Variants in WDR17 observed in about 807,000 individuals in gnomAD.
The protein encoded by WDR17 is WD repeat domain 17.
Under a neutral mutation model 161.7 loss-of-function variants are expected in WDR17, and 143 were observed. The ratio of observed to expected loss-of-function variants is 0.88; its 90% confidence interval spans 0.77 to 1.02. WDR17 has a LOEUF of 1.02. Ranked by LOEUF, WDR17 falls within the 50% of genes least tolerant of loss-of-function variation. The pLI is 0.00. For missense variants in WDR17, 1,469 were observed against 1,520.9 expected, an observed-to-expected ratio of 0.97 and a Z score of 0.57; for synonymous variants, 517 against 515.6, an observed-to-expected ratio of 1.00 and a Z score of -0.04.
At chr4:176,076,258 C>T (rs201042857) in intron 1 of WDR17, among the ~76,000 whole-genome samples, 131 of 71,070 alleles carry the variant, frequency 1.8e-3, no homozygotes, top group African/African-American at 4.8e-3. Context: ...TATATATACA[C>T]ACACACACAC....
At chr4:176,066,934 TAATA>T (rs1469672151) in intron 1 of WDR17, among the ~76,000 whole-genome samples, 1 of 152,180 alleles carries the variant, frequency 6.6e-6, no homozygotes, top group African/African-American at 2.4e-5. Flanking sequence ...CTTAGCACTC[TAATA>T]ACATTTCTGC....
intron 1 of WDR17, among the ~76,000 whole-genome samples, chr4:176,071,925 A>T (rs892459004): frequency 6.6e-6 from 1 of 152,116 alleles, no homozygotes; most frequent in South Asian, 2.1e-4. Flanking sequence ...TTTGATGTTC[A>T]GTGTTTGGTC....
At chr4:176,074,810 CTT>C (rs386357678) in intron 1 of WDR17, among the ~76,000 whole-genome samples, 18 of 79,174 alleles carry the variant, frequency 2.3e-4, no homozygotes, top group African/African-American at 7.1e-4. Flanking sequence ...TTTTTTAATG[CTT>C]TTTTTTTTTT....
intron 5 of WDR17, among the ~76,000 whole-genome samples, chr4:176,126,442 T>A (rs1028918439): frequency 4.6e-5 from 7 of 152,312 alleles, no homozygotes; most frequent in Admixed American, 3.3e-4. Flanking sequence ...AGACTCTTTA[T>A]CCTCTCAAAA....
intron 1 of WDR17, among the ~76,000 whole-genome samples, chr4:176,082,977 TA>T (rs1734950234): frequency 6.6e-6 from 1 of 152,160 alleles, no homozygotes; most frequent in South Asian, 2.1e-4. Context: ...TGAATTTTAA[TA>T]AAGACTACAT....
chr4:176,162,500 G>C (rs1339532465), intron 21 of WDR17, among the ~76,000 whole-genome samples: 1 of 152,134 alleles, frequency 6.6e-6, no homozygotes, highest in African/African-American at 2.4e-5. Flanking sequence ...CAAAATATCT[G>C]AGTCTTTTCT....
intron 1 of WDR17, chr4:176,068,211 A>G (rs1307809228): frequency 6.6e-6 from 1 of 152,186 alleles, no homozygotes; most frequent in Non-Finnish European, 1.5e-5. Flanking sequence ...TACCTCTTCC[A>G]TTGAACAGAT....
At chr4:176,161,071 T>C (rs1304257367) in intron 20 of WDR17, 69 bp downstream of exon 20, 12 of 1,314,984 alleles carry the variant, frequency 9.1e-6, no homozygotes, top group Non-Finnish European at 1.3e-5. Context: ...TTTTGAAGTC[T>C]CTATAATTCA....
intron 6 of WDR17, among the ~76,000 whole-genome samples, chr4:176,129,582 A>G (rs1743030170): frequency 6.6e-6 from 1 of 152,146 alleles, no homozygotes; most frequent in Admixed American, 6.5e-5. Context: ...CACATCATTA[A>G]AAGCATGGGG....
chr4:176,111,737 A>T, intron 2 of WDR17, 34 bp downstream of exon 2: 1 of 1,498,854 alleles, frequency 6.7e-7, no homozygotes, highest in African/African-American at 1.4e-5. Flanking sequence ...TTTTAATTAT[A>T]TCCGGTAAAA....
At chr4:176,073,266 T>G (rs959016489) in intron 1 of WDR17, among the ~76,000 whole-genome samples, 1 of 152,072 alleles carries the variant, frequency 6.6e-6, no homozygotes, top group Non-Finnish European at 1.5e-5. Context: ...TCTCCCACCC[T>G]ACAACAGTCC....
rs1425842198 is a variant in WDR17, at chr4:176,172,531, GGTA to G, written c.3244+20_3244+22del. 2 of 1,562,754 alleles carry G rather than the reference GGTA, an allele frequency of 1.3e-6. No individual in the cohort carries two copies. Among genetic ancestry groups the G allele is most frequent in the African/African-American group, 1.4e-5 (1 of 71,860 alleles). On this transcript the variant is annotated intron_variant, in intron 24 of 28. Transcript: ENST00000508596. ...CTTTGTTAAAGGTAAGTAATTAGTT[GGTA>G]GTAGAATTTTAAATATACTCATTTA... is the stretch of plus-strand genomic sequence containing the variant.
intron 1 of WDR17, among the ~76,000 whole-genome samples, chr4:176,097,079 T>C (rs1488698660): frequency 6.6e-6 from 1 of 151,940 alleles, no homozygotes; most frequent in Non-Finnish European, 1.5e-5. Flanking sequence ...ACAAACTGCA[T>C]TGTTAGTGTG....
At position 176,163,217 on chromosome 4, in the gene WDR17, C is replaced by CT. The variant is rs756595184; in HGVS notation, c.2915dup (p.Gly973ArgfsTer30). 6.2e-7 allele frequency: 1 copy of CT among 1,614,038 alleles called. No individual in the cohort carries two copies. The highest frequency in any genetic ancestry group is 8.5e-7 in the Non-Finnish European group (1 of 1,179,988). On this transcript the variant is annotated frameshift_variant, in exon 22 of 29. Coordinates refer to ENST00000508596, the MANE Select transcript of WDR17 (RefSeq NM_181265.4). LOFTEE classifies it high-confidence loss of function. ...GTTGGCAGTCTGTGTGGGCACAGTA[C>CT]TAGGAGAGTCTGCAGCACCAGCAAC...
intron 1 of WDR17, among the ~76,000 whole-genome samples, chr4:176,073,107 T>C (rs1176586783): frequency 1.3e-5 from 2 of 151,972 alleles, no homozygotes; most frequent in East Asian, 3.8e-4. Context: ...TTATTTTTTA[T>C]TTTATTATTA....
chr4:176,082,687 C>T (rs1327866096), intron 1 of WDR17, among the ~76,000 whole-genome samples: 2 of 152,036 alleles, frequency 1.3e-5, no homozygotes, highest in African/African-American at 4.8e-5. Flanking sequence ...ACAATAAATC[C>T]CAATGCTTTT....
At chr4:176,105,001 C>T (rs977740213) in intron 1 of WDR17, among the ~76,000 whole-genome samples, 2 of 150,524 alleles carry the variant, frequency 1.3e-5, no homozygotes, top group South Asian at 4.2e-4. Flanking sequence ...ACTTGAGATC[C>T]AAAGACACAA....
At chr4:176,144,619 A>G (rs1332880966) in intron 11 of WDR17, among the ~76,000 whole-genome samples, 2 of 152,314 alleles carry the variant, frequency 1.3e-5, no homozygotes, top group South Asian at 2.1e-4. Flanking sequence ...TATATTTTCA[A>G]ATGACACTGG....
chr4:176,163,344 T>G (rs1407197039), intron 22 of WDR17, 51 bp downstream of exon 22: 1 of 1,546,852 alleles, frequency 6.5e-7, no homozygotes, highest in Admixed American at 2.0e-5. Flanking sequence ...GAATACATTT[T>G]TAAAACATTA....
Sources: allele counts gnomAD v4.1 joint callset (sites outside exome capture counted in the v4.1 genomes callset), GRCh38; gene constraint gnomAD v4.1.1; transcripts MANE v1.5; gene names NCBI Gene and HGNC (gene_info 2026-07-23, HGNC 2026-07-21).